ERG: variants seen among roughly 807,000 people sequenced by gnomAD.
The protein encoded by ERG is ETS transcription factor ERG, also known as transcriptional regulator ERG.
Under a neutral mutation model 55.3 loss-of-function variants are expected in ERG, and 9 were observed. The observed-to-expected ratio is 0.16, with a 90% CI of 0.10 to 0.28. The LOEUF (loss-of-function observed/expected upper bound fraction) is 0.28. Ranked by LOEUF, ERG falls within the 10% of genes least tolerant of loss-of-function variation. The pLI, the probability that ERG is intolerant of heterozygous loss-of-function variation, is 1.00. For synonymous variants in ERG, 223 were observed against 237.3 expected (o/e 0.94, Z 0.55); for missense variants, 434 against 631.6 (o/e 0.69, Z 3.35).
intron 2 of ERG, among the ~76,000 whole-genome samples, chr21:38,504,595 T>G (rs1488640628): frequency 2.0e-5 from 3 of 152,242 alleles, no homozygotes; most frequent in Non-Finnish European, 2.9e-5. Context: ...ACTGGGTATA[T>G]CTGAGCATAG....
chr21:38,648,003 TATTTC>T (rs2060466948), intron 1 of ERG, among the ~76,000 whole-genome samples: 1 of 152,400 alleles, frequency 6.6e-6, no homozygotes, highest in Admixed American at 6.5e-5. Context: ...CAGGACATCT[TATTTC>T]ATGTTAAGTG....
chr21:38,650,869 G>A (rs1179900256), intron 1 of ERG, among the ~76,000 whole-genome samples: 1 of 152,188 alleles, frequency 6.6e-6, no homozygotes, highest in Non-Finnish European at 1.5e-5. Context: ...TCCTTGTAAA[G>A]GTTAATTCTA....
At chr21:38,597,907 G>C (rs2060141871) in intron 1 of ERG, among the ~76,000 whole-genome samples, 1 of 152,162 alleles carries the variant, frequency 6.6e-6, no homozygotes. Flanking sequence ...ATTAACATTT[G>C]CAATCCGTTG....
At chr21:38,508,378 G>A (rs2146718532) in intron 2 of ERG, among the ~76,000 whole-genome samples, 1 of 151,952 alleles carries the variant, frequency 6.6e-6, no homozygotes, top group East Asian at 1.9e-4. Flanking sequence ...AATAGTACCT[G>A]TAAGCAAGTG....
Position 38,460,673 on chromosome 21 carries a change from G to A in ERG, c.19-15052C>T, listed in dbSNP as rs1448406614. On this transcript the variant is annotated intron_variant, in intron 1 of 9. Coordinates refer to ENST00000288319, the MANE Select transcript of ERG (RefSeq NM_182918.4). The surrounding 1 kb of genome is among the most constrained non-coding windows in gnomAD (Gnocchi z 5.0). ...TGACTCACACAGGAAATACCTCACT[G>A]AGGCTCCCACCCACCCATCCACTAA... Among the ~76,000 whole-genome samples, 1 of 152,166 alleles carries A rather than the reference G, an allele frequency of 6.6e-6. No individual in the cohort carries two copies. The highest frequency in any genetic ancestry group is 1.5e-5 in the Non-Finnish European group (1 of 68,036).
chr21:38,427,363 C>T (rs920329677), intron 2 of ERG, among the ~76,000 whole-genome samples: 4 of 152,258 alleles, frequency 2.6e-5, no homozygotes, highest in Non-Finnish European at 5.9e-5. Flanking sequence ...GCGTGAGCCA[C>T]TTCACCCAGG....
intron 1 of ERG, among the ~76,000 whole-genome samples, chr21:38,606,075 G>C (rs2060195265): frequency 6.7e-6 from 1 of 148,626 alleles, no homozygotes; most frequent in Admixed American, 6.7e-5. Context: ...TAGAGAGAGA[G>C]ATGATAGCTA....
At chr21:38,549,256 A>G (rs1458268605) in intron 2 of ERG, among the ~76,000 whole-genome samples, 2 of 152,166 alleles carry the variant, frequency 1.3e-5, no homozygotes, top group African/African-American at 2.4e-5. Flanking sequence ...ATCCAGGGTG[A>G]TAAATCATCA....
At chr21:38,592,549 T>C (rs2060106943) in intron 1 of ERG, among the ~76,000 whole-genome samples, 1 of 149,448 alleles carries the variant, frequency 6.7e-6, no homozygotes, top group African/African-American at 2.5e-5. Flanking sequence ...AAATGTGGGC[T>C]GCTTATTGTC....
chr21:38,589,410 A>T (rs2060086512), upstream of ERG, among the ~76,000 whole-genome samples: 1 of 152,120 alleles, frequency 6.6e-6, no homozygotes. Flanking sequence ...TTCCTCCCTT[A>T]TGGAAGGAAA....
chr21:38,576,155 G>A lies in ERG; in HGVS notation c.-126-408C>T, dbSNP rs77197192. Among the ~76,000 whole-genome samples the A allele has an allele frequency of 2.0e-3, 302 of 152,304 alleles. 8 individuals are homozygous for A. In the East Asian group the frequency reaches 0.046, roughly 23 times the overall value. ...TTTGAAATCCCACCAAAACTCATGC[G>A]ATCTGCACATCCTTTTCAGCTTTGT... On this transcript the variant is annotated intron_variant, in intron 1 of 8. Transcript: ENST00000398897.
intron 2 of ERG, among the ~76,000 whole-genome samples, chr21:38,557,550 T>C (rs2059865704): frequency 6.6e-6 from 1 of 152,182 alleles, no homozygotes; most frequent in South Asian, 2.1e-4. Flanking sequence ...CAAACATATA[T>C]TAGCTTGAAA....
intron 1 of ERG, among the ~76,000 whole-genome samples, chr21:38,446,690 A>G (rs996283701): frequency 6.6e-6 from 1 of 152,216 alleles, no homozygotes; most frequent in African/African-American, 2.4e-5. Context: ...ATTTAAAAAA[A>G]AAGAAAAAGA....
intron 2 of ERG, among the ~76,000 whole-genome samples, chr21:38,510,873 G>A (rs1184401761): frequency 1.3e-5 from 2 of 152,148 alleles, no homozygotes; most frequent in East Asian, 1.9e-4. Flanking sequence ...ATTATATCAA[G>A]CAGCCATCAT....
At chr21:38,542,064 G>A (rs996924992) in intron 2 of ERG, among the ~76,000 whole-genome samples, 7 of 152,154 alleles carry the variant, frequency 4.6e-5, no homozygotes, top group African/African-American at 1.2e-4. Context: ...AGGCTGGAGT[G>A]CAGTGGCGTG....
chr21:38,623,814 G>A (rs1277457133), intron 1 of ERG, among the ~76,000 whole-genome samples: 1 of 152,204 alleles, frequency 6.6e-6, no homozygotes, highest in African/African-American at 2.4e-5. Context: ...CCCATGGGGA[G>A]CATCATTCCA....
chr21:38,567,649 C>G (rs999219018), intron 2 of ERG, among the ~76,000 whole-genome samples: 3 of 152,180 alleles, frequency 2.0e-5, no homozygotes, highest in Non-Finnish European at 4.4e-5. Context: ...CTGTGAAGCA[C>G]AGTTACTATA....
intron 1 of ERG, among the ~76,000 whole-genome samples, chr21:38,468,600 C>A (rs1054213228): frequency 6.6e-6 from 1 of 152,098 alleles, no homozygotes; most frequent in Admixed American, 6.5e-5. Flanking sequence ...TCCCCTCTGG[C>A]AACTGGAATG....
At chr21:38,447,123 G>A (rs1169283469) in intron 1 of ERG, among the ~76,000 whole-genome samples, 1 of 151,448 alleles carries the variant, frequency 6.6e-6, no homozygotes, top group Non-Finnish European at 1.5e-5. Context: ...CTACTCTGTC[G>A]CTCGATCCTC....
Sources: allele counts gnomAD v4.1 joint callset (sites outside exome capture counted in the v4.1 genomes callset), GRCh38; gene constraint gnomAD v4.1.1; non-coding constraint Gnocchi (gnomAD v3.1); transcripts MANE v1.5; gene names NCBI Gene and HGNC (gene_info 2026-07-23, HGNC 2026-07-21).